Variants in KCTD16 observed in about 807,000 individuals in gnomAD.
KCTD16 encodes BTB/POZ domain-containing protein KCTD16.
Under a neutral mutation model 33.2 loss-of-function variants are expected in KCTD16, and 13 were observed. The observed-to-expected ratio is 0.39, with a 90% CI of 0.25 to 0.62. The LOEUF (loss-of-function observed/expected upper bound fraction) is 0.62, where lower values mean the gene tolerates loss of function less well. KCTD16 is among the 20% of genes least tolerant of loss of function. The pLI is 0.50. For synonymous variants in KCTD16, 197 were observed against 195.3 expected, an observed-to-expected ratio of 1.01 and a Z score of -0.07; for missense variants, 441 against 525.1, an observed-to-expected ratio of 0.84 and a Z score of 1.57.
chr5:144,330,502 C>T (rs1282477550), intron 3 of KCTD16, among the ~76,000 whole-genome samples: 1 of 149,854 alleles, frequency 6.7e-6, no homozygotes, highest in Non-Finnish European at 1.5e-5. Flanking sequence ...CCCATTCATT[C>T]ATTTATTTGT....
chr5:144,278,567 G>T (rs1376930954), intron 3 of KCTD16, among the ~76,000 whole-genome samples: 1 of 130,760 alleles, frequency 7.6e-6, no homozygotes, highest in Non-Finnish European at 1.5e-5. Flanking sequence ...GCGCAATCTT[G>T]GCTCACTGCA....
At chr5:144,269,406 G>C (rs1360730509) in intron 3 of KCTD16, among the ~76,000 whole-genome samples, 1 of 151,934 alleles carries the variant, frequency 6.6e-6, no homozygotes, top group East Asian at 1.9e-4. Flanking sequence ...TTTGAAATCT[G>C]AAACTTTGGA....
At chr5:144,302,603 A>C (rs910975792) in intron 3 of KCTD16, among the ~76,000 whole-genome samples, 1 of 152,196 alleles carries the variant, frequency 6.6e-6, no homozygotes, top group Non-Finnish European at 1.5e-5. Flanking sequence ...TCTGGTTAGA[A>C]TCAGCCCAAA....
intron 3 of KCTD16, among the ~76,000 whole-genome samples, chr5:144,344,705 A>G (rs1752738391): frequency 1.3e-5 from 2 of 150,404 alleles, no homozygotes; most frequent in African/African-American, 2.5e-5. Context: ...TCAGGAAACA[A>G]CAGGTGCTGG....
intron 2 of KCTD16, among the ~76,000 whole-genome samples, chr5:144,177,103 G>A (rs1752525723): frequency 2.0e-5 from 3 of 152,018 alleles, no homozygotes; most frequent in Admixed American, 2.0e-4. Flanking sequence ...AAAACTCTTT[G>A]CCAGGACCAG....
At chr5:144,293,661 C>T (rs189253742) in intron 3 of KCTD16, among the ~76,000 whole-genome samples, 11 of 152,254 alleles carry the variant, frequency 7.2e-5, no homozygotes, top group Admixed American at 5.9e-4. Context: ...TCTGGAATTC[C>T]AATTCCCCTA....
chr5:144,223,625 TG>T (rs969203680), intron 3 of KCTD16, among the ~76,000 whole-genome samples: 85 of 152,140 alleles, frequency 5.6e-4, no homozygotes, highest in African/African-American at 1.9e-3. Flanking sequence ...CAATGCTGGA[TG>T]AAAGTGTGAA....
chr5:144,212,728 T>A (rs1456700577), intron 3 of KCTD16, among the ~76,000 whole-genome samples: 1 of 152,204 alleles, frequency 6.6e-6, no homozygotes, highest in Non-Finnish European at 1.5e-5. Context: ...TTGCTCTTTT[T>A]CTTTTGCCTC....
At chr5:144,393,506 C>A (rs879222019) in intron 3 of KCTD16, among the ~76,000 whole-genome samples, 1 of 152,040 alleles carries the variant, frequency 6.6e-6, no homozygotes, top group African/African-American at 2.4e-5. Context: ...TAATTTGGGG[C>A]ACTCAAATAT....
chr5:144,454,733 A>G (rs1330584868), intron 3 of KCTD16, among the ~76,000 whole-genome samples: 2 of 152,076 alleles, frequency 1.3e-5, no homozygotes, highest in Non-Finnish European at 2.9e-5. Flanking sequence ...ACTTTTTACC[A>G]GGAGGGTTTT....
chr5:144,225,722 G>A (rs779244803), intron 3 of KCTD16, among the ~76,000 whole-genome samples: 2 of 152,012 alleles, frequency 1.3e-5, no homozygotes, highest in Non-Finnish European at 2.9e-5. Flanking sequence ...TAGAGAAAGG[G>A]TACATTTAAG....
chr5:144,231,945 C>T (rs1554082123), intron 3 of KCTD16, among the ~76,000 whole-genome samples: 2 of 152,170 alleles, frequency 1.3e-5, no homozygotes, highest in Non-Finnish European at 2.9e-5. Context: ...TATATCTATA[C>T]TGTGTCATTG....
At chr5:144,196,835 TG>T (rs1752949042) in intron 2 of KCTD16, among the ~76,000 whole-genome samples, 1 of 152,224 alleles carries the variant, frequency 6.6e-6, no homozygotes, top group Non-Finnish European at 1.5e-5. Flanking sequence ...AGTACCAGCC[TG>T]TCATTTTGAG....
In KCTD16 at chr5:144,482,131, T is replaced by C. The variant is rs1319977118; in HGVS notation, c.*8017T>C. 6.6e-6 allele frequency: 1 copy of C among 151,974 alleles called. No individual in the cohort carries two copies. Among genetic ancestry groups the C allele is most frequent in the African/African-American group, 2.4e-5 (1 of 41,404 alleles). The allele number at this position is 151,974 out of a possible 1,614,324, so 9.4% of individuals were successfully genotyped here. ...ATCTCTTTGTACAATCTGTTCTCTCTGTTCTCTGAACTTTGCCTGTTTCTC... is the reference window on the plus strand; with the variant it reads ...ATCTCTTTGTACAATCTGTTCTCTCCGTTCTCTGAACTTTGCCTGTTTCTC... On this transcript the variant is annotated 3_prime_UTR_variant, in exon 4 of 4. Transcript: ENST00000512467.
intron 3 of KCTD16, among the ~76,000 whole-genome samples, chr5:144,283,841 G>A (rs1755671149): frequency 6.6e-6 from 1 of 152,116 alleles, no homozygotes; most frequent in Non-Finnish European, 1.5e-5. Flanking sequence ...TAAATCAATA[G>A]GTACTAGGTT....
chr5:144,399,405 G>A (rs1272371281), intron 3 of KCTD16, among the ~76,000 whole-genome samples: 1 of 151,884 alleles, frequency 6.6e-6, no homozygotes, highest in East Asian at 1.9e-4. Context: ...CAGTGATTAG[G>A]CTTCTTTCAG....
At chr5:144,308,829 G>T (rs749990417) in intron 3 of KCTD16, among the ~76,000 whole-genome samples, 1 of 148,956 alleles carries the variant, frequency 6.7e-6, no homozygotes, top group African/African-American at 2.5e-5. Context: ...AGGACAAAGT[G>T]TGATGGCTTC....
chr5:144,217,604 C>A (rs1030551724), intron 3 of KCTD16, among the ~76,000 whole-genome samples: 2 of 152,116 alleles, frequency 1.3e-5, no homozygotes, highest in Non-Finnish European at 2.9e-5. Context: ...TTGCTTCACA[C>A]TTATTGAGGA....
rs146638360 is a variant in KCTD16, at chr5:144,304,977, CTTT to C, written c.832+97453_832+97455del. ...TCGAAGCCACTGAGAATATCAAAAT[CTTT>C]TTTTTTTTTTTTTTTTTTTTTCTGA... On this transcript the variant is annotated intron_variant, in intron 3 of 3. Transcript: ENST00000512467. Among the ~76,000 whole-genome samples, 640 of 83,420 alleles carry C rather than the reference CTTT, an allele frequency of 7.7e-3. 3 individuals carry two copies. Among genetic ancestry groups the C allele is most frequent in the African/African-American group, 0.022 (401 of 18,116 alleles). The allele number at this position is 83,420 out of a possible 152,430, so 54.7% of individuals were successfully genotyped here.
Sources: allele counts gnomAD v4.1 joint callset (sites outside exome capture counted in the v4.1 genomes callset), GRCh38; gene constraint gnomAD v4.1.1; transcripts MANE v1.5; gene names NCBI Gene and HGNC (gene_info 2026-07-23, HGNC 2026-07-21).